The following CLSTN2 variants were observed in gnomAD, a reference collection of about 807,000 sequenced individuals.
CLSTN2 encodes calsyntenin-2.
Under a neutral mutation model 101.2 loss-of-function variants are expected in CLSTN2, and 48 were observed. That is an observed-to-expected ratio of 0.47 (90% CI 0.38 to 0.60). The LOEUF is 0.60. Among genes scored for constraint, CLSTN2 ranks in the 20% least tolerant of loss-of-function variants. The pLI is 0.00. For missense variants in CLSTN2, 1,160 were observed against 1,238.2 expected, an observed-to-expected ratio of 0.94 and a Z score of 0.95; for synonymous variants, 481 against 463.6, an observed-to-expected ratio of 1.04 and a Z score of -0.48.
intron 2 of CLSTN2, among the ~76,000 whole-genome samples, chr3:140,316,371 A>C (rs192858721): frequency 6.6e-6 from 1 of 152,350 alleles, no homozygotes; most frequent in African/African-American, 2.4e-5. Context: ...TGTATCTCAT[A>C]GAATCGTGAT....
chr3:140,425,022 C>A (rs1218001497), intron 5 of CLSTN2, among the ~76,000 whole-genome samples: 1 of 152,134 alleles, frequency 6.6e-6, no homozygotes, highest in Non-Finnish European at 1.5e-5. Flanking sequence ...GAGGCCTCTC[C>A]CAAACTGACT....
rs1449945427 is a variant in CLSTN2, at chr3:140,190,352, CTCTCAA to C, written c.232+14281_232+14286del. On this transcript the variant is annotated intron_variant, in intron 2 of 16. Coordinates refer to ENST00000458420, the MANE Select transcript of CLSTN2 (RefSeq NM_022131.3). ...GCCTTGAAATTGTGTAAATGGATTA[CTCTCAA>C]TTTTTTTTTCAAAACTGTTTTAACT... Among the ~76,000 whole-genome samples the C allele has an allele frequency of 4.7e-5, 7 of 148,078 alleles. No individual in the cohort carries two copies. In the East Asian group the frequency reaches 1.4e-3, roughly 30 times the overall value.
intron 8 of CLSTN2, among the ~76,000 whole-genome samples, chr3:140,482,291 A>T (rs1934134573): frequency 6.6e-6 from 1 of 152,178 alleles, no homozygotes; most frequent in Non-Finnish European, 1.5e-5. Flanking sequence ...CATCCCAGGG[A>T]TGAAGCCAAC....
chr3:140,466,859 CT>C, intron 8 of CLSTN2, 128 bp downstream of exon 8: 2 of 1,193,526 alleles, frequency 1.7e-6, no homozygotes, highest in Non-Finnish European at 2.3e-6. Flanking sequence ...GAAAAATCAG[CT>C]TAGGGAGACA....
intron 1 of CLSTN2, among the ~76,000 whole-genome samples, chr3:140,000,979 C>G (rs2006823316): frequency 6.6e-6 from 1 of 152,140 alleles, no homozygotes; most frequent in African/African-American, 2.4e-5. Flanking sequence ...GCTTGTTGGA[C>G]TGCAAGGATG....
intron 1 of CLSTN2, among the ~76,000 whole-genome samples, chr3:140,015,423 G>T (rs2007180648): frequency 1.3e-5 from 2 of 152,172 alleles, no homozygotes; most frequent in African/African-American, 4.8e-5. Context: ...AGAGAGAGAT[G>T]ACAGTGCTTG....
At chr3:140,472,673 A>C (rs569385583) in intron 8 of CLSTN2, among the ~76,000 whole-genome samples, 81 of 152,284 alleles carry the variant, frequency 5.3e-4, no homozygotes, top group South Asian at 2.9e-3. Context: ...CCAGTGTCCT[A>C]AACAGAGGGG....
intron 2 of CLSTN2, among the ~76,000 whole-genome samples, chr3:140,272,405 A>G (rs1185080792): frequency 6.6e-6 from 1 of 152,234 alleles, no homozygotes; most frequent in Non-Finnish European, 1.5e-5. Context: ...AATAGATTAT[A>G]TAGGAAAGAG....
chr3:140,102,111 AC>A (rs1158406744), intron 1 of CLSTN2, among the ~76,000 whole-genome samples: 1 of 152,220 alleles, frequency 6.6e-6, no homozygotes, highest in African/African-American at 2.4e-5. Context: ...CACATGTCAT[AC>A]AGAGGTTGCT....
intron 8 of CLSTN2, among the ~76,000 whole-genome samples, chr3:140,524,458 G>A (rs954449765): frequency 2.0e-5 from 3 of 152,182 alleles, no homozygotes; most frequent in East Asian, 1.9e-4. Flanking sequence ...TGTTCCTTGA[G>A]TTAAGATATC....
In CLSTN2 at chr3:140,448,560, A is replaced by G; in HGVS notation, c.829A>G (p.Met277Val). 1.9e-6 allele frequency: 3 copies of G among 1,614,072 alleles called. No individual in the cohort carries two copies. Among genetic ancestry groups the G allele is most frequent in the Non-Finnish European group, 2.5e-6 (3 of 1,179,982 alleles). Residue 277 changes from methionine to valine, a missense_variant, in exon 6 of 17, where the codon ATG becomes GTG. Physicochemically the swap from Met to Val is conservative, Grantham distance 21 (BLOSUM62 1). Transcript: ENST00000458420. ...RIEYQPGSGS[M>V]PLFPSIHLET... Reference sequence around the variant, plus strand: ...TGAGTACCAGCCTGGCTCCGGGAGCATGCCCCTGTTCCCCAGCATCCACCT... The same window carrying G: ...TGAGTACCAGCCTGGCTCCGGGAGCGTGCCCCTGTTCCCCAGCATCCACCT...
chr3:140,190,095 C>A (rs1294689371), intron 2 of CLSTN2, among the ~76,000 whole-genome samples: 1 of 152,164 alleles, frequency 6.6e-6, no homozygotes, highest in Non-Finnish European at 1.5e-5. Context: ...CCTAATTTTA[C>A]TTATGAGGGC....
chr3:139,955,413 T>C (rs1576375487), intron 1 of CLSTN2, among the ~76,000 whole-genome samples: 1 of 152,108 alleles, frequency 6.6e-6, no homozygotes. Flanking sequence ...GGTGTTTAGG[T>C]TATCCATTGC....
intron 13 of CLSTN2, 104 bp downstream of exon 13, chr3:140,562,412 C>A: frequency 8.9e-7 from 1 of 1,124,254 alleles, no homozygotes; most frequent in Non-Finnish European, 1.3e-6. Context: ...CACTGTGAAG[C>A]CCCAGGGACC....
chr3:140,012,124 C>A (rs527577963), intron 1 of CLSTN2, among the ~76,000 whole-genome samples: 1 of 151,956 alleles, frequency 6.6e-6, no homozygotes, highest in Admixed American at 6.6e-5. Flanking sequence ...TGGTCCAGTG[C>A]GTGGTTGGCT....
chr3:140,177,404 C>T (rs1372274721), intron 2 of CLSTN2, among the ~76,000 whole-genome samples: 1 of 152,076 alleles, frequency 6.6e-6, no homozygotes, highest in African/African-American at 2.4e-5. Context: ...TGGTATTAGT[C>T]AGTAATTATC....
chr3:139,992,743 A>G (rs1261265928), intron 1 of CLSTN2, among the ~76,000 whole-genome samples: 1 of 152,218 alleles, frequency 6.6e-6, no homozygotes, highest in Non-Finnish European at 1.5e-5. Flanking sequence ...TCAAGGAGAA[A>G]TAGAAGAATA....
intron 1 of CLSTN2, among the ~76,000 whole-genome samples, chr3:140,044,872 G>A (rs1177029128): frequency 6.6e-6 from 1 of 152,192 alleles, no homozygotes; most frequent in African/African-American, 2.4e-5. Context: ...GCATCCCAGG[G>A]ATGAAGCCCA....
chr3:140,181,812 G>A (rs1375911735), intron 2 of CLSTN2, among the ~76,000 whole-genome samples: 2 of 152,108 alleles, frequency 1.3e-5, no homozygotes, highest in Non-Finnish European at 2.9e-5. Flanking sequence ...TGAGGCTTTG[G>A]GAAATTTCAA....
Sources: gnomAD v4.1 joint callset for allele counts (sites outside exome capture counted in the v4.1 genomes callset) on GRCh38, gnomAD v4.1.1 for gene constraint, MANE v1.5 for transcripts, NCBI Gene and HGNC (gene_info 2026-07-23, HGNC 2026-07-21) for gene names.